Variants in DCLK2 observed in about 807,000 individuals in gnomAD.
The protein encoded by DCLK2 is doublecortin like kinase 2, also known as serine/threonine-protein kinase DCLK2.
A neutral mutation model predicts 78.4 loss-of-function variants in DCLK2; 31 were observed. That is an observed-to-expected ratio of 0.40 (90% confidence interval 0.30 to 0.53). The LOEUF (loss-of-function observed/expected upper bound fraction) is 0.53. Ranked by LOEUF, DCLK2 falls within the 20% of genes least tolerant of loss-of-function variation. The pLI is 0.61. For missense variants in DCLK2, 872 were observed against 973.7 expected (o/e 0.90, Z 1.39); for synonymous variants, 407 against 374.9 (o/e 1.09, Z -0.99).
intron 5 of DCLK2, among the ~76,000 whole-genome samples, chr4:150,218,546 A>G (rs1034661398): frequency 2.0e-5 from 3 of 152,196 alleles, no homozygotes; most frequent in Non-Finnish European, 2.9e-5. Context: ...TCCAGGACAG[A>G]TGAACAAGCA....
At chr4:150,234,022 A>G (rs1375472559) in intron 10 of DCLK2, among the ~76,000 whole-genome samples, 2 of 152,062 alleles carry the variant, frequency 1.3e-5, no homozygotes, top group African/African-American at 4.8e-5. Flanking sequence ...TTGGGAGGCA[A>G]GCTTATCTGA....
At chr4:150,123,765 G>A (rs1732732925) in intron 2 of DCLK2, among the ~76,000 whole-genome samples, 1 of 152,114 alleles carries the variant, frequency 6.6e-6, no homozygotes, top group African/African-American at 2.4e-5. Context: ...CGTTGGACTG[G>A]GTGTGGTGGC....
chr4:150,204,869 G>A (rs1739730148), intron 5 of DCLK2, among the ~76,000 whole-genome samples: 1 of 151,586 alleles, frequency 6.6e-6, no homozygotes, highest in African/African-American at 2.4e-5. Flanking sequence ...TCCAGCCTGG[G>A]TGACAAAGCG....
intron 2 of DCLK2, 141 bp downstream of exon 2, chr4:150,102,953 A>G (rs201604774): frequency 1.2e-4 from 80 of 662,888 alleles, no homozygotes; most frequent in East Asian, 2.2e-4. Flanking sequence ...GTGTGTGTGT[A>G]TGTGTGTGTG....
intron 5 of DCLK2, among the ~76,000 whole-genome samples, chr4:150,211,530 ATC>A (rs1740316881): frequency 6.6e-6 from 1 of 151,906 alleles, no homozygotes; most frequent in Non-Finnish European, 1.5e-5. Flanking sequence ...CTCCATTTTC[ATC>A]TCTTTATCAG....
chr4:150,143,208 A>T (rs573145191), intron 2 of DCLK2, among the ~76,000 whole-genome samples: 1 of 152,260 alleles, frequency 6.6e-6, no homozygotes, highest in South Asian at 2.1e-4. Flanking sequence ...ATTCAATTCC[A>T]TAGTGTGCGT....
In DCLK2 at chr4:150,198,106, A is replaced by G. The variant is rs1180419761; in HGVS notation, c.961+3A>G. The G allele has an allele frequency of 6.2e-7, 1 of 1,611,358 alleles. No individual in the cohort carries two copies. Among genetic ancestry groups the G allele is most frequent in the East Asian group, 2.2e-5 (1 of 44,840 alleles). On this transcript the variant is annotated splice_donor_region_variant and intron_variant, in intron 4 of 15. Transcript: ENST00000296550. Reference sequence around the variant, plus strand: ...ACGCAGCAAATCACCAGCTTCAGGTAGTTAATGGAAAAGGAATAGATGGTC... The same window carrying G: ...ACGCAGCAAATCACCAGCTTCAGGTGGTTAATGGAAAAGGAATAGATGGTC...
intron 5 of DCLK2, among the ~76,000 whole-genome samples, chr4:150,207,123 A>G (rs1034201743): frequency 3.3e-5 from 5 of 152,182 alleles, no homozygotes; most frequent in African/African-American, 1.2e-4. Context: ...CTTTACCACT[A>G]TTTATCCTAG....
intron 8 of DCLK2, among the ~76,000 whole-genome samples, chr4:150,225,460 C>G (rs917579332): frequency 2.6e-5 from 4 of 152,204 alleles, no homozygotes; most frequent in African/African-American, 9.6e-5. Flanking sequence ...ATGACAAAGA[C>G]CTTTTTAGAT....
chr4:150,134,073 ACT>A (rs1344070954), intron 2 of DCLK2, among the ~76,000 whole-genome samples: 5 of 129,452 alleles, frequency 3.9e-5, no homozygotes, highest in Non-Finnish European at 6.4e-5. Flanking sequence ...TTGCGTATAA[ACT>A]CTTTTTTTTT....
intron 14 of DCLK2, 25 bp downstream of exon 14, chr4:150,248,410 T>C: frequency 6.3e-7 from 1 of 1,591,764 alleles, no homozygotes; most frequent in Non-Finnish European, 8.6e-7. Flanking sequence ...TCCCAGGGAA[T>C]GGGCCTCACT....
chr4:150,145,623 C>T (rs1734415929), intron 2 of DCLK2, among the ~76,000 whole-genome samples: 1 of 152,168 alleles, frequency 6.6e-6, no homozygotes. Context: ...TACCATGTGG[C>T]AGTCATTGCA....
intron 2 of DCLK2, among the ~76,000 whole-genome samples, chr4:150,185,656 G>A (rs947613767): frequency 2.6e-5 from 4 of 151,224 alleles, no homozygotes; most frequent in East Asian, 3.9e-4. Context: ...GGAGGTTGCA[G>A]TGAGCTGAGA....
intron 2 of DCLK2, among the ~76,000 whole-genome samples, chr4:150,111,565 A>G (rs1031002224): frequency 2.3e-5 from 3 of 129,878 alleles, no homozygotes; most frequent in Non-Finnish European, 5.3e-5. Context: ...GCCAATGTCC[A>G]GAAGAGCTTT....
chr4:150,172,122 CAT>C (rs1736577127), intron 2 of DCLK2, among the ~76,000 whole-genome samples: 1 of 152,158 alleles, frequency 6.6e-6, no homozygotes, highest in Non-Finnish European at 1.5e-5. Flanking sequence ...AGTTGAGTAA[CAT>C]AGTTTGTTCT....
chr4:150,143,504 A>G (rs987896449), intron 2 of DCLK2, among the ~76,000 whole-genome samples: 6 of 152,214 alleles, frequency 3.9e-5, no homozygotes, highest in African/African-American at 1.2e-4. Context: ...TACAACCCAA[A>G]TAAACATGTA....
intron 2 of DCLK2, among the ~76,000 whole-genome samples, chr4:150,140,076 A>G (rs1051039656): frequency 1.1e-4 from 16 of 152,196 alleles, no homozygotes; most frequent in Non-Finnish European, 2.1e-4. Context: ...ACCATTGTAT[A>G]TAATAGAATG....
In DCLK2 at chr4:150,239,876, GT is replaced by G; in HGVS notation, c.1700+2del. ...CTCCAGAAATCATTGCTGAAACTGG[GT>G]AAGACTTCTGGTGGCCCTGGTTAGT... is the stretch of plus-strand genomic sequence containing the variant. On this transcript the variant is annotated splice_donor_variant, in intron 11 of 15. Coordinates refer to ENST00000296550, the MANE Select transcript of DCLK2 (RefSeq NM_001040260.4). LOFTEE classifies it high-confidence loss of function. 6.2e-7 allele frequency: 1 copy of G among 1,613,872 alleles called. No individual in the cohort carries two copies. The highest frequency in any genetic ancestry group is 8.5e-7 in the Non-Finnish European group (1 of 1,179,942).
chr4:150,123,415 A>G (rs1255275766), intron 2 of DCLK2, among the ~76,000 whole-genome samples: 1 of 152,064 alleles, frequency 6.6e-6, no homozygotes, highest in Non-Finnish European at 1.5e-5. Flanking sequence ...CAGAACACAA[A>G]CATTTATAGG....
Sources: allele counts gnomAD v4.1 joint callset (sites outside exome capture counted in the v4.1 genomes callset), GRCh38; gene constraint gnomAD v4.1.1; transcripts MANE v1.5; gene names NCBI Gene and HGNC (gene_info 2026-07-23, HGNC 2026-07-21).